The following PDE10A variants were observed in gnomAD, a reference collection of about 807,000 sequenced individuals.
PDE10A encodes the protein phosphodiesterase 10A.
PDE10A carries 39 observed loss-of-function variants against 97.7 expected under a neutral mutation model. The observed-to-expected ratio is 0.40, with a 90% CI of 0.31 to 0.52. The LOEUF (loss-of-function observed/expected upper bound fraction) is 0.52. Ranked by LOEUF, PDE10A falls within the 20% of genes least tolerant of loss-of-function variation. PDE10A has a pLI of 0.56. For synonymous variants in PDE10A, 371 were observed against 376.8 expected (o/e 0.98, Z 0.18); for missense variants, 731 against 1,047.8 (o/e 0.70, Z 4.17).
intron 3 of PDE10A, among the ~76,000 whole-genome samples, chr6:165,453,634 C>G (rs1427918946): frequency 1.3e-5 from 2 of 152,224 alleles, no homozygotes; most frequent in African/African-American, 4.8e-5. Flanking sequence ...CCTGCCACAC[C>G]TTCAGAGGGC....
At chr6:165,823,539 A>ATTTATAATTTATAACTATAT (rs1554327905) in intron 1 of PDE10A, among the ~76,000 whole-genome samples, 1 of 117,266 alleles carries the variant, frequency 8.5e-6, no homozygotes, top group Non-Finnish European at 1.8e-5. Flanking sequence ...CCTTAATTAT[A>ATTTATAATTTATAACTATAT]AATATTATAT....
chr6:165,509,504 G>C (rs1781391167), intron 2 of PDE10A, among the ~76,000 whole-genome samples: 1 of 151,836 alleles, frequency 6.6e-6, no homozygotes, highest in African/African-American at 2.4e-5. Context: ...ATAATATAAA[G>C]GCAGGGAGTG....
chr6:165,429,591 G>A (rs1311167310), intron 9 of PDE10A, among the ~76,000 whole-genome samples: 1 of 152,040 alleles, frequency 6.6e-6, no homozygotes, highest in East Asian at 1.9e-4. Flanking sequence ...GTTGCTGGAG[G>A]CCACAGAGGA....
chr6:165,408,334 T>C (rs1583217511), intron 13 of PDE10A, among the ~76,000 whole-genome samples: 1 of 152,224 alleles, frequency 6.6e-6, no homozygotes, highest in East Asian at 1.9e-4. Flanking sequence ...AACCCGCAGA[T>C]GTGATTGTTT....
At chr6:165,467,585 T>C (rs1164467214) in intron 3 of PDE10A, among the ~76,000 whole-genome samples, 1 of 152,232 alleles carries the variant, frequency 6.6e-6, no homozygotes, top group African/African-American at 2.4e-5. Flanking sequence ...GTTTTTGGCA[T>C]AGTTTGCTGA....
In PDE10A at chr6:165,345,574, A is replaced by G. The variant is rs182059411; in HGVS notation, c.2784-2072T>C. ...AACTCCAAATATGCTTTAATAACCA[A>G]TTGTGAAAGGATCATGTTCATGCTA... On this transcript the variant is annotated intron_variant, in intron 18 of 21. Coordinates refer to ENST00000539869, the MANE Select transcript of PDE10A (RefSeq NM_001385079.1). Among the ~76,000 whole-genome samples the G allele has an allele frequency of 2.3e-3, 356 of 152,324 alleles. 2 individuals are homozygous for G. The highest frequency in any genetic ancestry group is 8.2e-3 in the African/African-American group (343 of 41,576).
At chr6:165,887,147 T>G (rs950861777) in intron 1 of PDE10A, among the ~76,000 whole-genome samples, 6 of 152,154 alleles carry the variant, frequency 3.9e-5, no homozygotes, top group Non-Finnish European at 8.8e-5. Flanking sequence ...AGACAATTAG[T>G]GAACTGAAAG....
intron 3 of PDE10A, among the ~76,000 whole-genome samples, chr6:165,452,495 G>A (rs921713394): frequency 4.6e-5 from 7 of 152,122 alleles, no homozygotes; most frequent in African/African-American, 1.4e-4. Flanking sequence ...TAGTTATCAC[G>A]GGAGTGGGGT....
intron 1 of PDE10A, among the ~76,000 whole-genome samples, chr6:165,659,451 T>G (rs943186209): frequency 6.6e-6 from 1 of 152,224 alleles, no homozygotes; most frequent in African/African-American, 2.4e-5. Context: ...CAGTGGCTTG[T>G]CAGGCAGCAA....
chr6:165,638,085 G>C (rs1045099223), intron 1 of PDE10A, among the ~76,000 whole-genome samples: 3 of 151,976 alleles, frequency 2.0e-5, no homozygotes, highest in Admixed American at 6.6e-5. Context: ...CTCTGTGCTG[G>C]GTGAAAGAGG....
chr6:165,907,373 A>G (rs1266420204), intron 1 of PDE10A, among the ~76,000 whole-genome samples: 2 of 152,236 alleles, frequency 1.3e-5, no homozygotes, highest in African/African-American at 2.4e-5. Context: ...GGGGTGGGCG[A>G]GAGCCTCCCT....
intron 1 of PDE10A, among the ~76,000 whole-genome samples, chr6:165,687,578 A>T (rs914077178): frequency 6.6e-6 from 1 of 152,198 alleles, no homozygotes; most frequent in African/African-American, 2.4e-5. Flanking sequence ...TTACCAAAGG[A>T]GCAACTGAAA....
intron 1 of PDE10A, among the ~76,000 whole-genome samples, chr6:165,728,385 G>C (rs1040892673): frequency 1.3e-5 from 2 of 152,222 alleles, no homozygotes; most frequent in African/African-American, 4.8e-5. Context: ...CTTCAGTAGG[G>C]ACATGCTGGT....
intron 10 of PDE10A, among the ~76,000 whole-genome samples, chr6:165,424,269 C>A (rs1294912246): frequency 2.0e-5 from 3 of 152,154 alleles, no homozygotes; most frequent in Non-Finnish European, 4.4e-5. Context: ...TGACTAGTTT[C>A]ATAGTTATGT....
At chr6:165,408,756 G>A (rs1583218769) in intron 13 of PDE10A, among the ~76,000 whole-genome samples, 2 of 151,894 alleles carry the variant, frequency 1.3e-5, no homozygotes, top group Admixed American at 1.3e-4. Flanking sequence ...GGGAGAAGAG[G>A]GAAGAAGGAA....
intron 1 of PDE10A, among the ~76,000 whole-genome samples, chr6:165,743,799 A>G (rs555805351): frequency 1.3e-5 from 2 of 152,374 alleles, no homozygotes; most frequent in South Asian, 2.1e-4. Flanking sequence ...CTATTCTACA[A>G]TGAGAATGTT....
chr6:165,383,576 G>C (rs1457904078), intron 17 of PDE10A, among the ~76,000 whole-genome samples: 1 of 151,866 alleles, frequency 6.6e-6, no homozygotes, highest in Admixed American at 6.6e-5. Flanking sequence ...TGCTGGTTCT[G>C]CCCACTCTGC....
chr6:165,656,460 G>T (rs574823116), intron 1 of PDE10A, among the ~76,000 whole-genome samples: 1 of 151,640 alleles, frequency 6.6e-6, no homozygotes, highest in South Asian at 2.1e-4. Context: ...GTGTGCCGAG[G>T]ACTCTGCCAC....
At chr6:165,343,775 C>T (rs1360392015) in intron 18 of PDE10A, among the ~76,000 whole-genome samples, 1 of 152,184 alleles carries the variant, frequency 6.6e-6, no homozygotes, top group Admixed American at 6.5e-5. Flanking sequence ...ATAATGTAGG[C>T]TCTGACTAGG....
Sources: allele counts gnomAD v4.1 joint callset (sites outside exome capture counted in the v4.1 genomes callset), GRCh38; gene constraint gnomAD v4.1.1; transcripts MANE v1.5; gene names NCBI Gene and HGNC (gene_info 2026-07-23, HGNC 2026-07-21).